Variants in TBC1D12 observed in about 807,000 individuals in gnomAD.
TBC1D12 encodes the protein TBC1 domain family member 12.
Under a neutral mutation model 86.7 loss-of-function variants are expected in TBC1D12, and 56 were observed. The ratio of observed to expected loss-of-function variants is 0.65; its 90% CI spans 0.52 to 0.81. TBC1D12 has a LOEUF of 0.81. Among genes scored for constraint, TBC1D12 ranks in the 30% least tolerant of loss-of-function variants. TBC1D12 has a pLI of 0.00. For missense variants in TBC1D12, 1,023 were observed against 1,038.8 expected (o/e 0.98, Z 0.21); for synonymous variants, 421 against 411.7 (o/e 1.02, Z -0.27).
chr10:94,467,444 C>G (rs1392350101), intron 2 of TBC1D12, among the ~76,000 whole-genome samples: 1 of 152,096 alleles, frequency 6.6e-6, no homozygotes, highest in Non-Finnish European at 1.5e-5. Flanking sequence ...TTTGGTCAGG[C>G]TGGTCTCGAA....
chr10:94,490,669 T>G (rs1233948407), intron 3 of TBC1D12, among the ~76,000 whole-genome samples: 2 of 152,222 alleles, frequency 1.3e-5, no homozygotes, highest in Non-Finnish European at 2.9e-5. Context: ...TAGTCTGGTT[T>G]GCAGTTTTTT....
rs114786788 is a variant in TBC1D12 at position 94,476,646 on chromosome 10, T to C, written c.1211+1863T>C. ...AAGAGCTTGCTTAAGCTTGATAGAA[T>C]TTATCCGAAATGGATTATGCTTTTT... On this transcript the variant is annotated intron_variant, in intron 3 of 12. Coordinates refer to ENST00000225235, the MANE Select transcript of TBC1D12 (RefSeq NM_015188.2). Among the ~76,000 whole-genome samples the C allele has an allele frequency of 3.2e-3, 486 of 152,344 alleles. 1 individual carries two copies. Among genetic ancestry groups the C allele is most frequent in the African/African-American group, 0.011 (469 of 41,586 alleles).
chr10:94,428,590 C>A (rs981195140), intron 1 of TBC1D12, among the ~76,000 whole-genome samples: 1 of 152,134 alleles, frequency 6.6e-6, no homozygotes, highest in Non-Finnish European at 1.5e-5. Context: ...CCATGCCTGG[C>A]CTGTAAGTAC....
intron 9 of TBC1D12, among the ~76,000 whole-genome samples, 166 bp from the exon 10 acceptor site, chr10:94,521,789 G>A (rs979812265): frequency 1.2e-4 from 18 of 152,080 alleles, no homozygotes; most frequent in South Asian, 2.1e-4. Flanking sequence ...GGGAGATTTC[G>A]TAATCATTAG....
intron 3 of TBC1D12, among the ~76,000 whole-genome samples, chr10:94,487,694 C>CTTTTTTTTTTTTTTTT (rs35682157): frequency 7.9e-6 from 1 of 127,336 alleles, no homozygotes; most frequent in Non-Finnish European, 1.7e-5. Context: ...TGTTGTTTCT[C>CTTTTTTTTTTTTTTTT]TTTTTTTTTT....
intron 2 of TBC1D12, among the ~76,000 whole-genome samples, chr10:94,468,768 G>T (rs574114317): frequency 2.0e-5 from 3 of 152,070 alleles, no homozygotes; most frequent in Non-Finnish European, 2.9e-5. Flanking sequence ...GTTCTCCCTC[G>T]TACCAACACT....
intron 3 of TBC1D12, among the ~76,000 whole-genome samples, chr10:94,489,614 G>GGCAT (rs1431881983): frequency 2.0e-5 from 3 of 152,070 alleles, no homozygotes; most frequent in African/African-American, 7.2e-5. Context: ...CTTGGCTTTT[G>GGCAT]GCATGCCTTC....
intron 2 of TBC1D12, among the ~76,000 whole-genome samples, chr10:94,455,117 C>T (rs2055608750): frequency 1.3e-5 from 2 of 152,070 alleles, no homozygotes; most frequent in African/African-American, 2.4e-5. Flanking sequence ...AATGCTTTTC[C>T]AACATCTATT....
At chr10:94,503,106 G>GC (rs1162978690) in intron 6 of TBC1D12, among the ~76,000 whole-genome samples, 1 of 152,072 alleles carries the variant, frequency 6.6e-6, no homozygotes, top group Non-Finnish European at 1.5e-5. Flanking sequence ...TTCCATGTTA[G>GC]TACATACAAG....
chr10:94,405,094 G>A (rs146715098), intron 1 of TBC1D12, among the ~76,000 whole-genome samples: 126 of 148,414 alleles, frequency 8.5e-4, no homozygotes, highest in East Asian at 4.1e-3. Context: ...ATTTTGACAC[G>A]CCTTTTTCTT....
At chr10:94,516,021 T>C (rs937170591) in intron 9 of TBC1D12, among the ~76,000 whole-genome samples, 6 of 152,144 alleles carry the variant, frequency 3.9e-5, no homozygotes, top group African/African-American at 4.8e-5. Context: ...TTAAAACTTA[T>C]GACTTGTTTG....
chr10:94,439,879 C>T (rs1447368889), intron 1 of TBC1D12, among the ~76,000 whole-genome samples: 1 of 152,148 alleles, frequency 6.6e-6, no homozygotes, highest in Non-Finnish European at 1.5e-5. Context: ...TTGTTTAAAT[C>T]AGCTACAAAG....
intron 1 of TBC1D12, among the ~76,000 whole-genome samples, chr10:94,423,231 G>A (rs1564939594): frequency 6.6e-6 from 1 of 151,850 alleles, no homozygotes; most frequent in East Asian, 1.9e-4. Context: ...GAGATGCTTG[G>A]TTTTTCAGCT....
At chr10:94,487,069 G>A (rs1391740073) in intron 3 of TBC1D12, among the ~76,000 whole-genome samples, 1 of 151,824 alleles carries the variant, frequency 6.6e-6, no homozygotes, top group African/African-American at 2.4e-5. Context: ...GACCTTCTTT[G>A]TCTCTTTTTA....
intron 2 of TBC1D12, among the ~76,000 whole-genome samples, chr10:94,460,091 G>T (rs1589631734): frequency 1.3e-5 from 2 of 152,112 alleles, no homozygotes; most frequent in Admixed American, 1.3e-4. Flanking sequence ...AATTAGCTGG[G>T]CATGGTGGCA....
intron 4 of TBC1D12, among the ~76,000 whole-genome samples, chr10:94,493,737 A>G (rs2056277300): frequency 6.6e-6 from 1 of 151,942 alleles, no homozygotes; most frequent in South Asian, 2.1e-4. Flanking sequence ...TATTGTTTGT[A>G]GAGATGAGGT....
intron 2 of TBC1D12, among the ~76,000 whole-genome samples, chr10:94,473,863 A>G (rs2055946818): frequency 6.6e-6 from 1 of 152,062 alleles, no homozygotes; most frequent in African/African-American, 2.4e-5. Flanking sequence ...TATTAAATTA[A>G]TTTATTTTAA....
intron 3 of TBC1D12, among the ~76,000 whole-genome samples, chr10:94,478,846 G>A (rs73327468): frequency 7.4e-4 from 112 of 152,036 alleles, no homozygotes; most frequent in African/African-American, 2.6e-3. Flanking sequence ...CATAGCACCT[G>A]CTCAGGAGGC....
At chr10:94,486,308 C>T (rs1291775467) in intron 3 of TBC1D12, among the ~76,000 whole-genome samples, 1 of 151,816 alleles carries the variant, frequency 6.6e-6, no homozygotes, top group African/African-American at 2.4e-5. Flanking sequence ...CCACCATGCC[C>T]AGCTAATTTT....
Sources: gnomAD v4.1 joint callset for allele counts (sites outside exome capture counted in the v4.1 genomes callset) on GRCh38, gnomAD v4.1.1 for gene constraint, MANE v1.5 for transcripts, NCBI Gene and HGNC (gene_info 2026-07-23, HGNC 2026-07-21) for gene names.